SNX13: variants seen among roughly 807,000 people sequenced by gnomAD.
SNX13 encodes the protein sorting nexin-13.
A neutral mutation model predicts 133.6 loss-of-function variants in SNX13; 45 were observed. That is an observed-to-expected ratio of 0.34 (90% CI 0.27 to 0.43). The LOEUF (loss-of-function observed/expected upper bound fraction) is 0.43, where lower values mean the gene tolerates loss of function less well. Ranked by LOEUF, SNX13 falls within the 20% of genes least tolerant of loss-of-function variation. SNX13 has a pLI of 1.00. For missense variants in SNX13, 1,032 were observed against 1,145.1 expected, an observed-to-expected ratio of 0.90 and a Z score of 1.43; for synonymous variants, 414 against 373.9, an observed-to-expected ratio of 1.11 and a Z score of -1.24.
intron 25 of SNX13, 156 bp from the exon 26 acceptor site, chr7:17,794,448 T>C (rs1783837860): frequency 3.5e-6 from 3 of 869,318 alleles, no homozygotes; most frequent in East Asian, 5.4e-5. Flanking sequence ...TGAAACTTAA[T>C]ATGCATCTTT....
chr7:17,805,253 GTGCGCGCGCGCGCATGCA>G (rs1302677624), intron 20 of SNX13, among the ~76,000 whole-genome samples: 7 of 119,528 alleles, frequency 5.9e-5, no homozygotes, highest in East Asian at 6.4e-4. Flanking sequence ...GTGTGTGTGC[GTGCGCGCGCGCGCATGCA>G]TGCACATGTG....
At chr7:17,867,710 A>G (rs371331894) in intron 9 of SNX13, among the ~76,000 whole-genome samples, 19 of 152,316 alleles carry the variant, frequency 1.2e-4, no homozygotes, top group East Asian at 1.2e-3. Flanking sequence ...TTCTTAAGAA[A>G]GCTACACTGA....
chr7:17,879,354 A>AG (rs1162630696), intron 5 of SNX13: 1 of 152,266 alleles, frequency 6.6e-6, no homozygotes, highest in Non-Finnish European at 1.5e-5. Context: ...ACAGGCACAT[A>AG]GCACTGCACT....
chr7:17,844,848 C>T (rs187531604), intron 12 of SNX13, among the ~76,000 whole-genome samples: 1 of 151,804 alleles, frequency 6.6e-6, no homozygotes, highest in Admixed American at 6.6e-5. Flanking sequence ...AACACATTTT[C>T]ATGACAAAAA....
chr7:17,912,014 A>G (rs1312610882), intron 1 of SNX13, among the ~76,000 whole-genome samples: 1 of 152,116 alleles, frequency 6.6e-6, no homozygotes, highest in Admixed American at 6.5e-5. Flanking sequence ...TTTTTTTCCC[A>G]AGATTGTGGA....
intron 20 of SNX13, among the ~76,000 whole-genome samples, chr7:17,805,250 T>TGTGTGTGTGTGTGTGTGTGTGTGCGCGC: frequency 3.6e-4 from 34 of 95,584 alleles, no homozygotes; most frequent in African/African-American, 8.8e-4. Flanking sequence ...TGTGTGTGTG[T>TGTGTGTGTGTGTGTGTGTGTGTGCGCGC]GCGTGCGCGC....
rs753402361 is a variant in SNX13 at position 17,834,752 on chromosome 7, T to A, written c.1464+9A>T. On this transcript the variant is annotated intron_variant, in intron 14 of 25. Transcript: ENST00000428135. ...AAGATAAAATGATAAATGCTGTACA[T>A]AATAATACCTTTCTTTGAATGTCAT... is the stretch of plus-strand genomic sequence containing the variant. 1.4e-5 allele frequency: 22 copies of A among 1,537,704 alleles called. No individual in the cohort carries two copies. Among genetic ancestry groups the A allele is most frequent in the Non-Finnish European group, 2.0e-5 (22 of 1,112,876 alleles).
chr7:17,795,596 A>G (rs143728980), intron 25 of SNX13: 4 of 151,752 alleles, frequency 2.6e-5, no homozygotes, highest in African/African-American at 9.6e-5. Flanking sequence ...CTTATCTAAC[A>G]AACTACGTTC....
At chr7:17,932,422 A>G (rs1251455852) in intron 1 of SNX13, among the ~76,000 whole-genome samples, 1 of 152,192 alleles carries the variant, frequency 6.6e-6, no homozygotes, top group Non-Finnish European at 1.5e-5. Flanking sequence ...ATAGTAACCA[A>G]TCCTTTAAGG....
chr7:17,805,252 C>CGTGT (rs796256828), intron 20 of SNX13, among the ~76,000 whole-genome samples: 1 of 94,008 alleles, frequency 1.1e-5, no homozygotes, highest in South Asian at 2.8e-4. Context: ...TGTGTGTGTG[C>CGTGT]GTGCGCGCGC....
At chr7:17,865,337 G>A (rs1311092750) in intron 9 of SNX13, among the ~76,000 whole-genome samples, 1 of 152,118 alleles carries the variant, frequency 6.6e-6, no homozygotes, top group African/African-American at 2.4e-5. Flanking sequence ...AATCAATAGT[G>A]TTTCTATGTG....
chr7:17,935,546 A>G (rs1248442532), intron 1 of SNX13, among the ~76,000 whole-genome samples: 1 of 152,262 alleles, frequency 6.6e-6, no homozygotes, highest in African/African-American at 2.4e-5. Context: ...GCACTTAATC[A>G]TTCCACATTG....
intron 1 of SNX13, among the ~76,000 whole-genome samples, chr7:17,925,782 G>T (rs1800678416): frequency 2.0e-5 from 3 of 150,586 alleles, no homozygotes; most frequent in South Asian, 4.2e-4. Context: ...ACGAAGAAGG[G>T]GAAAAAAGAG....
intron 20 of SNX13, among the ~76,000 whole-genome samples, chr7:17,810,611 AAAC>A (rs1390842203): frequency 2.6e-4 from 40 of 152,214 alleles, no homozygotes; most frequent in African/African-American, 9.2e-4. Flanking sequence ...AAACTATTCC[AAAC>A]AACAGAAAAA....
Position 17,814,761 on chromosome 7 carries a change from ATTTTC to A in SNX13, c.2064+68_2064+72del, listed in dbSNP as rs879167708. 1.3e-5 allele frequency: 16 copies of A among 1,241,398 alleles called. No individual in the cohort carries two copies. The South Asian group carries it at 1.6e-4, about 13-fold the overall frequency. 76.9% of individuals were successfully genotyped at this position (1,241,398 alleles called of 1,614,324 possible). The stretch of plus-strand genomic sequence containing the variant: ...AAAACACACGTACAAATCTAAATTT[ATTTTC>A]TTTTATTACAAACAAAGTAAGAAAA... On this transcript the variant is annotated intron_variant, in intron 20 of 25. Transcript: ENST00000428135.
chr7:17,907,497 A>G (rs1236290302), intron 1 of SNX13, among the ~76,000 whole-genome samples: 1 of 152,210 alleles, frequency 6.6e-6, no homozygotes, highest in Non-Finnish European at 1.5e-5. Context: ...GTAAGCATTT[A>G]AAAATCTGTA....
intron 11 of SNX13, among the ~76,000 whole-genome samples, chr7:17,846,434 G>A (rs1184626922): frequency 2.0e-5 from 3 of 152,084 alleles, no homozygotes; most frequent in Non-Finnish European, 4.4e-5. Context: ...TCACAAAGCC[G>A]GTAAGTATGA....
At chr7:17,808,701 G>T (rs1048181245) in intron 20 of SNX13, among the ~76,000 whole-genome samples, 1 of 152,184 alleles carries the variant, frequency 6.6e-6, no homozygotes, top group Non-Finnish European at 1.5e-5. Context: ...AGGGCAGCCA[G>T]AGAGAAAGGT....
intron 9 of SNX13, among the ~76,000 whole-genome samples, chr7:17,862,936 C>T (rs1227985725): frequency 6.6e-6 from 1 of 152,058 alleles, no homozygotes; most frequent in Non-Finnish European, 1.5e-5. Flanking sequence ...AAGTGGCATT[C>T]AAAAGGGTAG....
Sources: gnomAD v4.1 joint callset for allele counts (sites outside exome capture counted in the v4.1 genomes callset) on GRCh38, gnomAD v4.1.1 for gene constraint, MANE v1.5 for transcripts, NCBI Gene and HGNC (gene_info 2026-07-23, HGNC 2026-07-21) for gene names.